Variants in ROBO1 observed in about 807,000 individuals in gnomAD.
ROBO1 encodes roundabout guidance receptor 1.
A neutral mutation model predicts 195.9 loss-of-function variants in ROBO1; 149 were observed. That is an observed-to-expected ratio of 0.76 (90% CI 0.67 to 0.87). ROBO1 has a LOEUF of 0.87. Among genes scored for constraint, ROBO1 ranks in the 40% least tolerant of loss-of-function variants. ROBO1 has a pLI of 0.00. For missense variants in ROBO1, 1,933 were observed against 2,068.3 expected (o/e 0.93, Z 1.27); for synonymous variants, 816 against 733.2 (o/e 1.11, Z -1.82).
At chr3:79,427,187 C>T (rs1228087001) in intron 2 of ROBO1, among the ~76,000 whole-genome samples, 1 of 151,970 alleles carries the variant, frequency 6.6e-6, no homozygotes, top group Non-Finnish European at 1.5e-5. Context: ...ATCTCTGATT[C>T]GAATAGGGAT....
At chr3:79,525,555 T>TAA (rs1553758701) in intron 2 of ROBO1, among the ~76,000 whole-genome samples, 3 of 145,010 alleles carry the variant, frequency 2.1e-5, no homozygotes, top group South Asian at 2.1e-4. Flanking sequence ...TATATATATA[T>TAA]AAATATATAT....
At chr3:79,575,125 ATAAATATATATAACAAATATATAAAT>A (rs1943410587) in intron 2 of ROBO1, among the ~76,000 whole-genome samples, 1 of 105,382 alleles carries the variant, frequency 9.5e-6, no homozygotes, top group Non-Finnish European at 1.8e-5. Context: ...AAATATATAT[ATAAATATATATAACAAATATATAAAT>A]ATATATATAA....
chr3:79,316,663 G>A (rs901120771), intron 2 of ROBO1, among the ~76,000 whole-genome samples: 5 of 152,072 alleles, frequency 3.3e-5, no homozygotes, highest in African/African-American at 1.2e-4. Context: ...TCCGGAAGGT[G>A]GGGAGAGTAA....
intron 2 of ROBO1, among the ~76,000 whole-genome samples, chr3:79,378,895 C>T (rs1236472392): frequency 6.6e-6 from 1 of 152,180 alleles, no homozygotes; most frequent in Admixed American, 6.5e-5. Flanking sequence ...CTGTGTAACC[C>T]TGAACAAGCA....
At chr3:79,492,263 A>G (rs1939500423) in intron 2 of ROBO1, among the ~76,000 whole-genome samples, 1 of 151,974 alleles carries the variant, frequency 6.6e-6, no homozygotes, top group South Asian at 2.1e-4. Context: ...CGTCTCTACT[A>G]AAAATGCAAA....
At chr3:79,311,132 T>C (rs958974088) in intron 2 of ROBO1, among the ~76,000 whole-genome samples, 1 of 152,218 alleles carries the variant, frequency 6.6e-6, no homozygotes, top group Admixed American at 6.5e-5. Flanking sequence ...TACTGGGCAT[T>C]GACATCTTTA....
At chr3:78,688,811 C>G (rs752802034) in intron 8 of ROBO1, 39 bp from the exon 9 acceptor site, 1 of 1,581,858 alleles carries the variant, frequency 6.3e-7, no homozygotes, top group African/African-American at 1.3e-5. Flanking sequence ...ATTAAAAGCA[C>G]GTTGTTATTG....
intron 4 of ROBO1, among the ~76,000 whole-genome samples, chr3:78,783,625 T>C (rs1487341051): frequency 2.0e-5 from 3 of 152,226 alleles, no homozygotes; most frequent in Admixed American, 1.3e-4. Flanking sequence ...AGGAAAATTT[T>C]AGACTTGTGG....
intron 4 of ROBO1, among the ~76,000 whole-genome samples, chr3:78,849,791 C>A (rs2033921599): frequency 6.7e-6 from 1 of 148,752 alleles, no homozygotes; most frequent in African/African-American, 2.5e-5. Context: ...CTAGAATAGG[C>A]CTTTCATGTT....
At chr3:79,455,894 G>T (rs1404761525) in intron 2 of ROBO1, among the ~76,000 whole-genome samples, 1 of 152,092 alleles carries the variant, frequency 6.6e-6, no homozygotes, top group Non-Finnish European at 1.5e-5. Context: ...TCTAGAGACT[G>T]CATATAACTA....
At chr3:79,157,735 A>T (rs192324491) in intron 2 of ROBO1, among the ~76,000 whole-genome samples, 1 of 152,068 alleles carries the variant, frequency 6.6e-6, no homozygotes, top group African/African-American at 2.4e-5. Context: ...TAAAAATTTT[A>T]AAATTCAAAC....
intron 3 of ROBO1, among the ~76,000 whole-genome samples, chr3:79,100,391 A>G (rs2079653461): frequency 6.6e-6 from 1 of 151,722 alleles, no homozygotes; most frequent in African/African-American, 2.4e-5. Context: ...CCCAAACCTT[A>G]TTCTTTTTTT....
chr3:79,582,392 T>G (rs1943690264), intron 2 of ROBO1, among the ~76,000 whole-genome samples: 1 of 151,748 alleles, frequency 6.6e-6, no homozygotes, highest in Admixed American at 6.6e-5. Flanking sequence ...TTTTTCTATA[T>G]TCTATTATAA....
intron 3 of ROBO1, among the ~76,000 whole-genome samples, chr3:78,992,966 A>G (rs1343048934): frequency 1.3e-5 from 2 of 152,144 alleles, no homozygotes; most frequent in African/African-American, 4.8e-5. Context: ...GCGAATACAT[A>G]TATCTAGTTG....
intron 2 of ROBO1, among the ~76,000 whole-genome samples, chr3:79,420,329 T>C (rs1332162466): frequency 6.6e-6 from 1 of 152,166 alleles, no homozygotes; most frequent in African/African-American, 2.4e-5. Context: ...TAGAGAATCT[T>C]GCATCCATGT....
intron 2 of ROBO1, among the ~76,000 whole-genome samples, chr3:79,584,154 G>A (rs1943743788): frequency 6.6e-6 from 1 of 151,524 alleles, no homozygotes; most frequent in Non-Finnish European, 1.5e-5. Flanking sequence ...TGGATAGATA[G>A]AGTCTGAGTC....
At position 78,938,811 on chromosome 3, in the gene ROBO1, G is replaced by A. The variant is rs753156517; in HGVS notation, c.289C>T (p.Pro97Ser). Residue 97 changes from proline to serine, a missense_variant, in exon 4 of 31, where the codon CCC becomes TCC. Pro to Ser is a moderately conservative substitution (Grantham distance 74). Transcript: ENST00000464233. ...LNCKAEGRPT[P>S]TIEWYKGGER... ...CCCCCTTTGTACCATTCAATAGTGG[G>A]TGTGGGGCGGCCTTCAGCTTTGCAG... 1 of 1,614,004 alleles carries A rather than the reference G, an allele frequency of 6.2e-7. No individual in the cohort carries two copies. The highest frequency in any genetic ancestry group is 8.5e-7 in the Non-Finnish European group (1 of 1,179,910).
rs962684194 is a variant in ROBO1, at chr3:79,409,199, G to A, written c.88+180625C>T. ...CCATAAATGCAATCTATTTTGAAGT[G>A]GAAGTTTGTCTTTAATGACCAATGA... is the stretch of plus-strand genomic sequence containing the variant. On this transcript the variant is annotated intron_variant, in intron 2 of 30. Coordinates refer to ENST00000464233, the MANE Select transcript of ROBO1 (RefSeq NM_002941.4). Among the ~76,000 whole-genome samples, 5 of 151,998 alleles carry A rather than the reference G, an allele frequency of 3.3e-5. No homozygotes were observed. In the South Asian group the frequency reaches 1.0e-3, roughly 31 times the overall value.
At chr3:78,670,396 C>T in intron 10 of ROBO1, 95 bp from the exon 11 acceptor site, 2 of 1,021,684 alleles carry the variant, frequency 2.0e-6, no homozygotes, top group Non-Finnish European at 2.9e-6. Flanking sequence ...TTGAAACAAA[C>T]TAAAGATAAT....
Sources: allele counts gnomAD v4.1 joint callset (sites outside exome capture counted in the v4.1 genomes callset), GRCh38; gene constraint gnomAD v4.1.1; transcripts MANE v1.5; gene names NCBI Gene and HGNC (gene_info 2026-07-23, HGNC 2026-07-21).